The following FGA variants were observed in gnomAD, a reference collection of about 807,000 sequenced individuals.
FGA encodes fibrinogen alpha chain, also known as fibrinogen, A alpha polypeptide.
A neutral mutation model predicts 20.3 loss-of-function variants in FGA; 20 were observed. The ratio of observed to expected loss-of-function variants is 0.99; its 90% CI spans 0.69 to 1.43. The LOEUF (loss-of-function observed/expected upper bound fraction) is 1.43, where lower values mean the gene tolerates loss of function less well. FGA is among the 40% of genes most tolerant of loss of function. The probability of loss-of-function intolerance (pLI) is 0.00; values close to 1 mark genes in which losing one functional copy is unlikely to be tolerated. For synonymous variants in FGA, 306 were observed against 281.6 expected (o/e 1.09, Z -0.87); for missense variants, 777 against 784.7 (o/e 0.99, Z 0.12).
At position 154,585,345 on chromosome 4, in the gene FGA, A is replaced by C. The variant is rs1289655245; in HGVS notation, c.*149T>G. On this transcript the variant is annotated 3_prime_UTR_variant, in exon 5 of 5. Transcript: ENST00000403106. The stretch of plus-strand genomic sequence containing the variant: ...CTGTTAGGCATTTGGGAATACAGAG[A>C]TGAGACAGACAAAGGCCCTGCCCCC... The C allele has an allele frequency of 9.0e-7, 1 of 1,109,762 alleles. No individual in the cohort carries two copies. Among genetic ancestry groups the C allele is most frequent in the African/African-American group, 1.6e-5 (1 of 63,152 alleles). The allele number at this position is 1,109,762 out of a possible 1,614,324, so 68.7% of individuals were successfully genotyped here. A position where few individuals can be genotyped will look rare whatever the true frequency, so the allele number is the denominator to read the frequency against.
chr4:154,586,783 T>C lies in FGA; in HGVS notation c.646A>G (p.Arg216Gly), dbSNP rs1730736047. Residue 216 changes from arginine (R) to glycine (G), a missense_variant, in exon 5 of 5, where the codon AGA (arginine) becomes GGA (glycine). Transcript: ENST00000403106. ...QVIAKDLLPS[R>G]DRQHLPLIKM... ...ATCAGTGGTAAGTGTTGCCTATCTCTAGAGGGAAGTAAGTCTTTGGCAATG... is the reference window on the plus strand; with the variant it reads ...ATCAGTGGTAAGTGTTGCCTATCTCCAGAGGGAAGTAAGTCTTTGGCAATG... The C allele has an allele frequency of 6.2e-7, 1 of 1,614,080 alleles. No homozygotes were observed. The highest frequency in any genetic ancestry group is 8.5e-7 in the Non-Finnish European group (1 of 1,180,042).
chr4:154,585,788 C>T lies in FGA; in HGVS notation c.1641G>A (p.Arg547=). The T allele has an allele frequency of 6.2e-7, 1 of 1,614,074 alleles. No homozygotes were observed. The highest frequency in any genetic ancestry group is 1.3e-5 in the African/African-American group (1 of 75,012). The change falls in exon 5 of 5, where the codon AGG becomes AGA. Residue 547 remains arginine, a synonymous_variant. Transcript: ENST00000403106. ...LGEFVSETES[R]GSESGIFTNT... ...TTGTGAAGATGCCAGATTCTGAGCC[C>T]CTAGACTCAGTCTCACTGACAAACT...
chr4:154,585,014 G>A (rs537365272), downstream of FGA, among the ~76,000 whole-genome samples: 11 of 152,212 alleles, frequency 7.2e-5, no homozygotes, highest in South Asian at 4.1e-4. Flanking sequence ...GCAAATAAGC[G>A]GTTATTTATA....
chr4:154,586,828 G>T lies in FGA; in HGVS notation c.601C>A (p.Gln201Lys). ...GCAATGACCTGTTCAAGTTGCTTCT[G>T]CTGATCTTCATAGTCCTTCAGATCT... is the stretch of plus-strand genomic sequence containing the variant. ...EVDLKDYEDQ[Q>K]KQLEQVIAKD... is the part of the protein sequence containing the mutation. Residue 201 changes from glutamine to lysine, a missense_variant, in exon 5 of 5, where the codon CAG becomes AAG. Physicochemically the swap from Gln to Lys is moderately conservative, Grantham distance 53. Coordinates refer to ENST00000403106, the MANE Select transcript of FGA (RefSeq NM_021871.4). 1 of 1,614,128 alleles carries T rather than the reference G, an allele frequency of 6.2e-7. No individual in the cohort carries two copies.
chr4:154,587,759 GAA>G, intron 3 of FGA, 102 bp from the exon 4 acceptor site: 1 of 539,844 alleles, frequency 1.9e-6, no homozygotes, highest in African/African-American at 2.0e-5. Context: ...AAGAAAGAAA[GAA>G]AGAAAGAAAG....
intron 2 of FGA, 71 bp from the exon 3 acceptor site, chr4:154,589,047 T>G (rs562597915): frequency 1.5e-6 from 2 of 1,342,224 alleles, no homozygotes; most frequent in Admixed American, 1.7e-5. Context: ...CATGTTTCCA[T>G]GCAGCCCCCA....
Position 154,585,509 on chromosome 4 carries a change from A to C in FGA, c.1920T>G (p.Pro640=). 6.2e-7 allele frequency: 1 copy of C among 1,600,878 alleles called. No individual in the cohort carries two copies. Among genetic ancestry groups the C allele is most frequent in the Non-Finnish European group, 8.6e-7 (1 of 1,167,986 alleles). Residue 640 remains proline, a synonymous_variant, in exon 5 of 5, where the codon CCT becomes CCG. Transcript: ENST00000403106. ...TTAACTTAGTCTAGGGGGACAGGGA[A>C]GGCTTCCCCAAAGGAGAAGTGTGGA... ...RGIHTSPLGK[P]SLSP is the part of the protein sequence containing the mutation.
intron 4 of FGA, among the ~76,000 whole-genome samples, chr4:154,587,166 C>G (rs928667486): frequency 1.3e-5 from 2 of 152,054 alleles, no homozygotes; most frequent in Non-Finnish European, 2.9e-5. Flanking sequence ...CAGAATGGAT[C>G]AAGAGTAAGG....
chr4:154,584,840 A>C, downstream of FGA: 1 of 1,604,498 alleles, frequency 6.2e-7, no homozygotes. Context: ...CAGTCTAAAA[A>C]AAAAATTAAG....
Position 154,587,533 on chromosome 4 carries a change from C to T in FGA, c.489G>A (p.Leu163=), listed in dbSNP as rs749273086. Residue 163 remains leucine, a synonymous_variant, in exon 4 of 5, where the codon TTG becomes TTA. Coordinates refer to ENST00000403106, the MANE Select transcript of FGA (RefSeq NM_021871.4). ...TTACCTCCAGTCGTTTCATATCAAC[C>T]AACTGAGCTCTAACATTTTTCTGCA... ...QLLQKNVRAQ[L]VDMKRLEVDI... 2 of 1,613,932 alleles carry T rather than the reference C, an allele frequency of 1.2e-6. No homozygotes were observed. The highest frequency in any genetic ancestry group is 3.3e-5 in the Admixed American group (2 of 59,990).
rs770479433 is a variant in FGA, at chr4:154,586,389, T to C, written c.1040A>G (p.Gln347Arg). The C allele has an allele frequency of 6.2e-7, 1 of 1,613,908 alleles. No individual in the cohort carries two copies. The highest frequency in any genetic ancestry group is 8.5e-7 in the Non-Finnish European group (1 of 1,179,900). The change falls in exon 5 of 5, where the codon CAA becomes CGA. Residue 347 changes from glutamine to arginine, a missense_variant. Gln to Arg is a conservative substitution (Grantham distance 43). Coordinates refer to ENST00000403106, the MANE Select transcript of FGA (RefSeq NM_021871.4). ...GSSGTGSTGNQNPGSPRPGST... is the reference protein window; with the variant it reads ...GSSGTGSTGNRNPGSPRPGST... ...ACCAGGTCTAGGGCTCCCAGGGTTTTGGTTTCCAGTACTTCCAGTTCCAGA... is the reference window on the plus strand; with the variant it reads ...ACCAGGTCTAGGGCTCCCAGGGTTTCGGTTTCCAGTACTTCCAGTTCCAGA...
Position 154,586,469 on chromosome 4 carries a change from G to A in FGA, c.960C>T (p.Thr320=), listed in dbSNP as rs752490927. The change falls in exon 5 of 5, where the codon ACC becomes ACT. Residue 320 remains threonine (T), a synonymous_variant. Coordinates refer to ENST00000403106, the MANE Select transcript of FGA (RefSeq NM_021871.4). The part of the protein sequence containing the change: ...PGSSGTGGTA[T]WKPGSSGPGS... ...CAGGTCCAGAGCTCCCAGGTTTCCA[G>A]GTTGCAGTCCCTCCAGTCCCAGAGC... The A allele has an allele frequency of 1.2e-6, 2 of 1,608,900 alleles. No individual in the cohort carries two copies. Among genetic ancestry groups the A allele is most frequent in the Admixed American group, 1.7e-5 (1 of 59,564 alleles).
At position 154,589,518 on chromosome 4, in the gene FGA, G is replaced by A. The variant is rs758959148; in HGVS notation, c.99C>T (p.Gly33=). 2.0e-5 allele frequency: 33 copies of A among 1,613,750 alleles called. No individual in the cohort carries two copies. The highest frequency in any genetic ancestry group is 2.5e-5 in the Non-Finnish European group (29 of 1,179,916). The change falls in exon 2 of 5, where the codon GGC becomes GGT. Residue 33 remains glycine, a synonymous_variant. Transcript: ENST00000403106. ...GEGDFLAEGG[G]VRGPRVVERH... is the part of the protein sequence containing the mutation. ...TTTCCACAACCCTTGGGCCACGCAC[G>A]CCTCCTCCTTCAGCTAGAAAGTCAC...
downstream of FGA, chr4:154,584,106 CA>C (rs748878154): frequency 1.3e-4 from 213 of 1,583,770 alleles, no homozygotes; most frequent in Non-Finnish European, 1.7e-4. Context: ...AGAGTGCTCC[CA>C]TTCCCACTTC....
At position 154,589,654 on chromosome 4, in the gene FGA, G is replaced by T. The variant is rs1320989190; in HGVS notation, c.55-92C>A. 2.2e-6 allele frequency: 3 copies of T among 1,385,958 alleles called. No homozygotes were observed. In the African/African-American group the frequency reaches 4.2e-5, roughly 20 times the overall value. 85.9% of individuals were successfully genotyped at this position (1,385,958 alleles called of 1,614,324 possible). On this transcript the variant is annotated intron_variant, in intron 1 of 4. Coordinates refer to ENST00000403106, the MANE Select transcript of FGA (RefSeq NM_021871.4). The stretch of plus-strand genomic sequence containing the variant: ...GCATGCCTACAAGTCCCCAGGAAGA[G>T]ATGGCACTCTCACAGAGATTAAGGA...
At chr4:154,584,089 A>AGAAGACAGAGTGCTCACATTCCCACTTC, downstream of FGA, 1 of 1,369,322 alleles carries the variant, frequency 7.3e-7, no homozygotes, top group African/African-American at 1.5e-5. Context: ...TCTCTAGCAA[A>AGAAGACAGAGTGCTCACATTCCCACTTC]GAAGACAGAG....
At chr4:154,588,142 G>T (rs1730783719) in intron 3 of FGA, among the ~76,000 whole-genome samples, 2 of 152,136 alleles carry the variant, frequency 1.3e-5, no homozygotes, top group African/African-American at 4.8e-5. Flanking sequence ...GATTTGAAAT[G>T]GTTCCTAAGC....
At position 154,588,961 on chromosome 4, in the gene FGA, A is replaced by G; in HGVS notation, c.196T>C (p.Ser66Pro). The G allele has an allele frequency of 6.2e-7, 1 of 1,613,480 alleles. No individual in the cohort carries two copies. Among genetic ancestry groups the G allele is most frequent in the Non-Finnish European group, 8.5e-7 (1 of 1,179,556 alleles). ...ATCAACCCTTTCATCCTGCAGCCAG[A>G]AGGGCATTTGTAGTTCTGAAAGTGA... ...SDEDWNYKCPSGCRMKGLIDE... is the reference protein window; with the variant it reads ...SDEDWNYKCPPGCRMKGLIDE... Residue 66 changes from serine (S) to proline (P), a missense_variant, in exon 3 of 5, where the codon TCT (serine) becomes CCT (proline). Transcript: ENST00000403106.
At position 154,589,514 on chromosome 4, in the gene FGA, G is replaced by T. The variant is rs121909606; in HGVS notation, c.103C>A (p.Arg35Ser). Residue 35 changes from arginine (R) to serine (S), a missense_variant, in exon 2 of 5, where the codon CGT becomes AGT. Arg to Ser is a moderately radical substitution (Grantham distance 110). Transcript: ENST00000403106. ...TGTCTTTCCACAACCCTTGGGCCAC[G>T]CACGCCTCCTCCTTCAGCTAGAAAG... ...GDFLAEGGGV[R>S]GPRVVERHQS... is the part of the protein sequence containing the mutation. 2 of 1,613,812 alleles carry T rather than the reference G, an allele frequency of 1.2e-6. No homozygotes were observed. Among genetic ancestry groups the T allele is most frequent in the Non-Finnish European group, 1.7e-6 (2 of 1,179,926 alleles).
Sources: gnomAD v4.1 joint callset for allele counts (sites outside exome capture counted in the v4.1 genomes callset) on GRCh38, gnomAD v4.1.1 for gene constraint, MANE v1.5 for transcripts, NCBI Gene and HGNC (gene_info 2026-07-23, HGNC 2026-07-21) for gene names.